The following RARB variants were observed in gnomAD, a reference collection of about 807,000 sequenced individuals.
The protein encoded by RARB is retinoic acid receptor beta, also known as HBV-activated protein.
A neutral mutation model predicts 51.9 loss-of-function variants in RARB; 17 were observed. That is an observed-to-expected ratio of 0.33 (90% CI 0.22 to 0.49). The LOEUF is 0.49. Among genes scored for constraint, RARB ranks in the 20% least tolerant of loss-of-function variants. The pLI, the probability that RARB is intolerant of heterozygous loss-of-function variation, is 0.99. For missense variants in RARB, 369 were observed against 550.8 expected (o/e 0.67, Z 3.30); for synonymous variants, 215 against 195.4 (o/e 1.10, Z -0.84).
chr3:25,341,136 T>A (rs115758080), intron 5 of RARB, among the ~76,000 whole-genome samples: 1 of 152,140 alleles, frequency 6.6e-6, no homozygotes, highest in Non-Finnish European at 1.5e-5. Context: ...AGCAAAGCAA[T>A]ACGATGAGTT....
chr3:25,190,530 A>C (rs1701077265), intron 5 of RARB, among the ~76,000 whole-genome samples: 1 of 152,106 alleles, frequency 6.6e-6, no homozygotes, highest in African/African-American at 2.4e-5. Context: ...CAATGTGCCA[A>C]ATTTTTTCAT....
chr3:24,876,162 T>C (rs1332553101), intron 2 of RARB, among the ~76,000 whole-genome samples: 1 of 152,176 alleles, frequency 6.6e-6, no homozygotes, highest in African/African-American at 2.4e-5. Flanking sequence ...TTTAAGGTGG[T>C]GTCTAGTGGT....
At chr3:25,145,888 G>T (rs916059192) in intron 4 of RARB, among the ~76,000 whole-genome samples, 5 of 152,008 alleles carry the variant, frequency 3.3e-5, no homozygotes, top group Non-Finnish European at 7.4e-5. Context: ...TATAATCCCA[G>T]CTACTTGGGA....
intron 5 of RARB, among the ~76,000 whole-genome samples, chr3:25,398,217 A>G (rs964259026): frequency 2.0e-5 from 3 of 152,178 alleles, no homozygotes; most frequent in African/African-American, 4.8e-5. Context: ...GAGAACATAA[A>G]AAAAATGAGA....
At chr3:24,900,466 G>T (rs1464248443) in intron 2 of RARB, among the ~76,000 whole-genome samples, 1 of 152,182 alleles carries the variant, frequency 6.6e-6, no homozygotes, top group East Asian at 1.9e-4. Context: ...TTCCTTGGAA[G>T]TATGCACATG....
chr3:25,287,213 T>TG (rs1703677603), intron 5 of RARB, among the ~76,000 whole-genome samples: 1 of 152,222 alleles, frequency 6.6e-6, no homozygotes, highest in South Asian at 2.1e-4. Flanking sequence ...TCTTGAACTC[T>TG]GGTGTCGCTC....
intron 5 of RARB, among the ~76,000 whole-genome samples, chr3:25,222,713 C>T (rs1701973854): frequency 6.6e-6 from 1 of 151,970 alleles, no homozygotes; most frequent in Non-Finnish European, 1.5e-5. Context: ...TATGTAGATC[C>T]TTGTATAAGA....
intron 2 of RARB, among the ~76,000 whole-genome samples, chr3:24,882,141 T>G (rs1470922306): frequency 6.6e-6 from 1 of 152,204 alleles, no homozygotes; most frequent in Non-Finnish European, 1.5e-5. Flanking sequence ...TTAGGAGATT[T>G]AGTAAATAAC....
At chr3:25,575,236 G>A (rs1700879103) in intron 4 of RARB, among the ~76,000 whole-genome samples, 1 of 152,258 alleles carries the variant, frequency 6.6e-6, no homozygotes, top group East Asian at 1.9e-4. Context: ...TGGAGTTCTG[G>A]CGATAACGCT....
At chr3:25,550,747 G>A (rs767553947) in intron 3 of RARB, among the ~76,000 whole-genome samples, 2 of 151,978 alleles carry the variant, frequency 1.3e-5, no homozygotes, top group Non-Finnish European at 2.9e-5. Context: ...CCTCCCCACC[G>A]CCACCTGACA....
chr3:25,567,797 C>T (rs1559471375), intron 3 of RARB, among the ~76,000 whole-genome samples: 1 of 152,154 alleles, frequency 6.6e-6, no homozygotes, highest in African/African-American at 2.4e-5. Flanking sequence ...CTAAGGAAGG[C>T]CATTGGCAGA....
chr3:25,499,740 G>C (rs561003697), intron 2 of RARB, among the ~76,000 whole-genome samples: 1 of 152,268 alleles, frequency 6.6e-6, no homozygotes, highest in Admixed American at 6.5e-5. Context: ...GTTTAAAGGA[G>C]GATATGAGAA....
Position 25,428,500 on chromosome 3 carries a change from C to CG in RARB, c.-230dup, listed in dbSNP as rs1423709484. The CG allele has an allele frequency of 1.6e-6, 2 of 1,266,380 alleles. No homozygotes were observed. The highest frequency in any genetic ancestry group is 2.0e-6 in the Non-Finnish European group (2 of 1,007,274). The allele number at this position is 1,266,380 out of a possible 1,614,324, so 78.4% of individuals were successfully genotyped here. On this transcript the variant is annotated 5_prime_UTR_variant, in exon 1 of 8. Coordinates refer to ENST00000330688, the MANE Select transcript of RARB (RefSeq NM_000965.5). ...GGATCTTTCTGGGAACCCCCCGCCC[C>CG]GGCTGGATTGGCCGAGCAAGCCTGG...
intron 4 of RARB, among the ~76,000 whole-genome samples, chr3:25,135,726 G>T (rs1488534003): frequency 6.6e-6 from 1 of 151,892 alleles, no homozygotes; most frequent in Admixed American, 6.6e-5. Context: ...ATATTTTTTA[G>T]ACAGGCAGTG....
At chr3:25,355,665 T>C (rs1416113928) in intron 5 of RARB, among the ~76,000 whole-genome samples, 1 of 152,154 alleles carries the variant, frequency 6.6e-6, no homozygotes, top group African/African-American at 2.4e-5. Flanking sequence ...AGGATGTTCA[T>C]GATTAAATAT....
intron 3 of RARB, among the ~76,000 whole-genome samples, chr3:25,508,707 A>T (rs960868712): frequency 6.6e-6 from 1 of 152,098 alleles, no homozygotes; most frequent in African/African-American, 2.4e-5. Context: ...AGAAACTACC[A>T]TTAACCCCCA....
rs183865890 is a variant in RARB, at chr3:25,133,503, G to A, written c.-280+1295G>A. ...AAAGGGAAACAAATATGCAATTTAA[G>A]ATCAGTGACATGGTTTACTGCTTCC... On this transcript the variant is annotated intron_variant, in intron 4 of 11. Coordinates refer to the RARB transcript ENST00000383772. Among the ~76,000 whole-genome samples, 402 of 152,076 alleles carry A rather than the reference G, an allele frequency of 2.6e-3. 4 individuals are homozygous for A. The highest frequency in any genetic ancestry group is 7.9e-3 in the African/African-American group (329 of 41,542).
chr3:25,548,101 C>CTTTTTT (rs66817079), intron 3 of RARB, among the ~76,000 whole-genome samples: 2 of 126,300 alleles, frequency 1.6e-5, no homozygotes, highest in Non-Finnish European at 3.3e-5. Context: ...ATTCATTTGG[C>CTTTTTT]TTTTTTTTTT....
At chr3:24,958,490 A>G (rs1696071697) in intron 2 of RARB, among the ~76,000 whole-genome samples, 1 of 151,664 alleles carries the variant, frequency 6.6e-6, no homozygotes, top group South Asian at 2.1e-4. Context: ...ATTCTCTCAC[A>G]CCCTGATTTT....
Sources: allele counts gnomAD v4.1 joint callset (sites outside exome capture counted in the v4.1 genomes callset), GRCh38; gene constraint gnomAD v4.1.1; transcripts MANE v1.5; gene names NCBI Gene and HGNC (gene_info 2026-07-23, HGNC 2026-07-21).